NRG1: variants seen among roughly 807,000 people sequenced by gnomAD.
The protein encoded by NRG1 is pro-neuregulin-1, membrane-bound isoform.
NRG1 carries 18 observed loss-of-function variants against 63.8 expected under a neutral mutation model. The ratio of observed to expected loss-of-function variants is 0.28; its 90% confidence interval spans 0.19 to 0.42. The LOEUF is 0.42. Ranked by LOEUF, NRG1 falls within the 10% of genes least tolerant of loss-of-function variation. The pLI is 1.00. For synonymous variants in NRG1, 302 were observed against 301.3 expected (o/e 1.00, Z -0.02); for missense variants, 762 against 814.7 (o/e 0.94, Z 0.79).
rs143796452 is a variant in NRG1 at position 32,483,184 on chromosome 8, T to C, written c.38-112644T>C. Among the ~76,000 whole-genome samples the C allele has an allele frequency of 4.5e-4, 68 of 152,338 alleles. 1 individual carries two copies. Among genetic ancestry groups the C allele is most frequent in the East Asian group, 4.4e-3 (23 of 5,174 alleles). On this transcript the variant is annotated intron_variant, in intron 1 of 10. Transcript: ENST00000519301. ...TTTCTTCCAGATTTTCTAGTTCTTA[T>C]AGTTCATAATCTTAATCCTCATCTC... is the stretch of plus-strand genomic sequence containing the variant.
intron 1 of NRG1, among the ~76,000 whole-genome samples, chr8:32,041,995 T>A (rs1820140530): frequency 6.6e-6 from 1 of 152,164 alleles, no homozygotes; most frequent in Admixed American, 6.5e-5. Flanking sequence ...TGACACAACA[T>A]ACAGGATATA....
chr8:32,060,241 A>G (rs755916053), intron 1 of NRG1, among the ~76,000 whole-genome samples: 2 of 151,186 alleles, frequency 1.3e-5, no homozygotes, highest in South Asian at 4.2e-4. Context: ...TTGCTGGTCT[A>G]TTTGTATTTA....
intron 1 of NRG1, among the ~76,000 whole-genome samples, chr8:31,934,187 A>T (rs1835096072): frequency 6.6e-6 from 1 of 152,074 alleles, no homozygotes; most frequent in African/African-American, 2.4e-5. Context: ...AACTTTTTTG[A>T]TGTATATGTT....
chr8:31,654,953 T>G (rs982272219), intron 1 of NRG1, among the ~76,000 whole-genome samples: 3 of 152,022 alleles, frequency 2.0e-5, no homozygotes, highest in African/African-American at 7.2e-5. Flanking sequence ...AAATAAAAAA[T>G]AAAAAAGAAT....
At chr8:32,229,142 A>G (rs1846638909) in intron 1 of NRG1, among the ~76,000 whole-genome samples, 1 of 152,204 alleles carries the variant, frequency 6.6e-6, no homozygotes, top group African/African-American at 2.4e-5. Flanking sequence ...GGAAAGATGC[A>G]TGATATTTCC....
intron 1 of NRG1, among the ~76,000 whole-genome samples, chr8:31,851,880 T>G (rs533615155): frequency 2.0e-5 from 3 of 151,090 alleles, no homozygotes; most frequent in Non-Finnish European, 4.4e-5. Flanking sequence ...GTTCTTGCGA[T>G]AGTTTACTGA....
intron 5 of NRG1, among the ~76,000 whole-genome samples, chr8:32,623,469 C>T (rs898967702): frequency 1.9e-4 from 29 of 152,170 alleles, no homozygotes; most frequent in Non-Finnish European, 4.1e-4. Flanking sequence ...TTTCTATAAA[C>T]ATGGCATTTT....
intron 1 of NRG1, among the ~76,000 whole-genome samples, chr8:32,380,813 CAT>C (rs1385150906): frequency 1.3e-5 from 2 of 152,114 alleles, no homozygotes; most frequent in Non-Finnish European, 2.9e-5. Flanking sequence ...TTTTGGGGTA[CAT>C]GTGATAATTT....
At chr8:31,831,673 T>C (rs190942242) in intron 1 of NRG1, among the ~76,000 whole-genome samples, 64 of 152,322 alleles carry the variant, frequency 4.2e-4, no homozygotes, top group African/African-American at 1.5e-3. Flanking sequence ...TCTTCTGAGA[T>C]TGATGTTGGC....
intron 1 of NRG1, among the ~76,000 whole-genome samples, chr8:32,566,403 G>T (rs1373176976): frequency 6.6e-6 from 1 of 151,086 alleles, no homozygotes; most frequent in East Asian, 1.9e-4. Flanking sequence ...GGTATGTTTA[G>T]ATTTGGTGTA....
chr8:31,690,651 C>T (rs190418294), intron 1 of NRG1, among the ~76,000 whole-genome samples: 84 of 152,090 alleles, frequency 5.5e-4, no homozygotes, highest in East Asian at 2.5e-3. Context: ...ATTGTGGATG[C>T]GCTATACTTG....
intron 7 of NRG1, among the ~76,000 whole-genome samples, chr8:32,748,288 TC>T (rs1309555611): frequency 6.7e-6 from 1 of 150,336 alleles, no homozygotes; most frequent in Non-Finnish European, 1.5e-5. Context: ...TGTCTCTCCT[TC>T]CAACCTGCTT....
At chr8:32,634,145 T>A in intron 5 of NRG1, among the ~76,000 whole-genome samples, 1 of 123,704 alleles carries the variant, frequency 8.1e-6, no homozygotes, top group African/African-American at 3.6e-5. Context: ...AGAGACAGGA[T>A]CAACCTAGAA....
At chr8:32,190,821 C>T (rs1209233216) in intron 1 of NRG1, among the ~76,000 whole-genome samples, 1 of 152,090 alleles carries the variant, frequency 6.6e-6, no homozygotes, top group African/African-American at 2.4e-5. Flanking sequence ...AGCATTTATG[C>T]CAGTCCCTAA....
intron 1 of NRG1, among the ~76,000 whole-genome samples, chr8:32,127,968 T>C (rs919043799): frequency 1.3e-5 from 2 of 151,802 alleles, no homozygotes; most frequent in Non-Finnish European, 2.9e-5. Flanking sequence ...TCTCCTCTTC[T>C]CCTCCCCCAG....
intron 1 of NRG1, among the ~76,000 whole-genome samples, chr8:31,855,575 G>C (rs1301147802): frequency 1.3e-5 from 2 of 152,150 alleles, no homozygotes; most frequent in Non-Finnish European, 1.5e-5. Flanking sequence ...CAGTTTGCCA[G>C]TCTGTGTCTT....
chr8:32,558,922 T>C (rs1267279482), intron 1 of NRG1, among the ~76,000 whole-genome samples: 1 of 151,372 alleles, frequency 6.6e-6, no homozygotes, highest in African/African-American at 2.4e-5. Flanking sequence ...CTACTAAAAA[T>C]CCAAAAAGTT....
At chr8:32,608,188 T>C (rs1341837844) in intron 3 of NRG1, among the ~76,000 whole-genome samples, 2 of 151,478 alleles carry the variant, frequency 1.3e-5, no homozygotes, top group Non-Finnish European at 2.9e-5. Flanking sequence ...GTTTTCTTTT[T>C]TGTTTTTTGA....
chr8:31,712,984 CCCATCCATCCAT>C (rs66850785), intron 1 of NRG1, among the ~76,000 whole-genome samples: 45,034 of 132,682 alleles, frequency 0.34, 7,045 homozygotes, highest in Admixed American at 0.39. Context: ...CATCCATCCA[CCCATCCATCCAT>C]CCATCCATCC....
Sources: allele counts gnomAD v4.1 joint callset (sites outside exome capture counted in the v4.1 genomes callset), GRCh38; gene constraint gnomAD v4.1.1; transcripts MANE v1.5; gene names NCBI Gene and HGNC (gene_info 2026-07-23, HGNC 2026-07-21).